The following COL9A1 variants were observed in gnomAD, a reference collection of about 807,000 sequenced individuals.
COL9A1 encodes the protein collagen alpha-1(IX) chain.
Under a neutral mutation model 142.6 loss-of-function variants are expected in COL9A1, and 104 were observed. The observed-to-expected ratio is 0.73, with a 90% CI of 0.62 to 0.86. The LOEUF (loss-of-function observed/expected upper bound fraction) is 0.86, where lower values mean the gene tolerates loss of function less well. COL9A1 is among the 40% of genes least tolerant of loss of function. The pLI is 0.00. For synonymous variants in COL9A1, 466 were observed against 396.0 expected (o/e 1.18, Z -2.10); for missense variants, 1,210 against 1,176.6 (o/e 1.03, Z -0.42).
intron 21 of COL9A1, among the ~76,000 whole-genome samples, chr6:70,255,837 ATATACG>A (rs1771253841): frequency 2.0e-5 from 3 of 151,990 alleles, no homozygotes; most frequent in Non-Finnish European, 2.9e-5. Flanking sequence ...GATATACGTG[ATATACG>A]CTACAGGTGG....
chr6:70,274,548 C>CT (rs201080821), intron 11 of COL9A1, among the ~76,000 whole-genome samples, 171 bp downstream of exon 11: 1 of 152,108 alleles, frequency 6.6e-6, no homozygotes, highest in Non-Finnish European at 1.5e-5. Context: ...GATCTTGTTC[C>CT]TTTTTATGGC....
intron 37 of COL9A1, among the ~76,000 whole-genome samples, chr6:70,219,203 G>A (rs1768719816): frequency 6.6e-6 from 1 of 152,058 alleles, no homozygotes; most frequent in Non-Finnish European, 1.5e-5. Flanking sequence ...CTTATCACTA[G>A]GAATGTTCCC....
intron 4 of COL9A1, 99 bp from the exon 5 acceptor site, chr6:70,294,662 T>C (rs1562331740): frequency 1.1e-5 from 12 of 1,138,258 alleles, no homozygotes; most frequent in Admixed American, 3.5e-5. Context: ...GCCAGACCTA[T>C]AGAAAAGCTA....
At chr6:70,282,948 G>A in intron 6 of COL9A1, 30 bp from the exon 7 acceptor site, 1 of 1,614,198 alleles carries the variant, frequency 6.2e-7, no homozygotes, top group Non-Finnish European at 8.5e-7. Context: ...GAGAAAGTGA[G>A]AAAAGCACCC....
At chr6:70,280,565 C>G (rs1773081879) in intron 10 of COL9A1, 2 of 1,394,004 alleles carry the variant, frequency 1.4e-6, no homozygotes, top group Non-Finnish European at 1.9e-6. Flanking sequence ...AGCCAGTACC[C>G]GCTGCTGTTT....
chr6:70,236,878 A>G (rs1446156008), intron 33 of COL9A1, among the ~76,000 whole-genome samples: 1 of 151,906 alleles, frequency 6.6e-6, no homozygotes, highest in Admixed American at 6.6e-5. Flanking sequence ...CTGGAGTGCA[A>G]TGGCGTGATC....
At chr6:70,265,265 A>G (rs991468843) in intron 18 of COL9A1, among the ~76,000 whole-genome samples, 11 of 152,096 alleles carry the variant, frequency 7.2e-5, no homozygotes, top group African/African-American at 2.7e-4. Context: ...CCATCTCCAA[A>G]TCCTGTGGGA....
At position 70,294,257 on chromosome 6, in the gene COL9A1, T is replaced by G. The variant is rs771444706; in HGVS notation, c.606A>C (p.Glu202Asp). The change falls in exon 5 of 38, where the codon GAA (glutamate) becomes GAC (aspartate). Residue 202 changes from glutamate (E) to aspartate (D), a missense_variant. Coordinates refer to ENST00000357250, the MANE Select transcript of COL9A1 (RefSeq NM_001851.6). The stretch of plus-strand genomic sequence containing the variant: ...GGCCTCTTGGCTTTATAGGTAAAGA[T>G]TCAATCCTGTTGCAGTCAACAAAAA... ...ATLFVDCNRI[E>D]SLPIKPRGPI... 2 of 1,614,090 alleles carry G rather than the reference T, an allele frequency of 1.2e-6. No individual in the cohort carries two copies. The highest frequency in any genetic ancestry group is 2.2e-5 in the South Asian group (2 of 91,080).
intron 4 of COL9A1, among the ~76,000 whole-genome samples, chr6:70,299,819 G>A (rs145912784): frequency 3.0e-4 from 46 of 152,268 alleles, no homozygotes; most frequent in African/African-American, 1.0e-3. Flanking sequence ...ATGTATAATA[G>A]TCTCAGTGAT....
intron 36 of COL9A1, among the ~76,000 whole-genome samples, chr6:70,230,482 T>C (rs1769476101): frequency 6.6e-6 from 1 of 152,212 alleles, no homozygotes; most frequent in East Asian, 1.9e-4. Context: ...TTATAGATTA[T>C]GTCATGAATA....
At position 70,302,026 on chromosome 6, in the gene COL9A1, T is replaced by C; in HGVS notation, c.63A>G (p.Ala21=). The change falls in exon 2 of 38, where the codon GCA becomes GCG. Residue 21 remains alanine (A), a synonymous_variant. Coordinates refer to ENST00000357250, the MANE Select transcript of COL9A1 (RefSeq NM_001851.6). ...FFVCSFLEPW[A]SAAVKRRPRF... ...TGGGGCGACGCTTGACAGCTGCAGATGCCCAGGGTTCCAGGAAACTGCACA... is the reference window on the plus strand; with the variant it reads ...TGGGGCGACGCTTGACAGCTGCAGACGCCCAGGGTTCCAGGAAACTGCACA... The C allele has an allele frequency of 6.2e-7, 1 of 1,611,808 alleles. No individual in the cohort carries two copies. The highest frequency in any genetic ancestry group is 8.5e-7 in the Non-Finnish European group (1 of 1,179,154).
Position 70,252,388 on chromosome 6 carries a change from C to T in COL9A1, c.1765-73G>A, listed in dbSNP as rs1771000406. The T allele has an allele frequency of 5.3e-6, 7 of 1,327,968 alleles. No individual in the cohort carries two copies. In the South Asian group the frequency reaches 5.9e-5, roughly 11 times the overall value. 82.3% of individuals were successfully genotyped at this position (1,327,968 alleles called of 1,614,324 possible). On this transcript the variant is annotated intron_variant, in intron 26 of 37. Transcript: ENST00000357250. ...TAATCATCAATCTGCCTTACCCAGA[C>T]TGGGATCTCTTACATTTGAATAGCA...
intron 10 of COL9A1, chr6:70,279,936 G>GC: frequency 1.6e-6 from 1 of 612,266 alleles, no homozygotes; most frequent in Non-Finnish European, 3.0e-6. Flanking sequence ...TAACTTGAGT[G>GC]ATGCACCATG....
chr6:70,223,370 T>C (rs1381029857), intron 37 of COL9A1, among the ~76,000 whole-genome samples: 1 of 152,244 alleles, frequency 6.6e-6, no homozygotes, highest in African/African-American at 2.4e-5. Context: ...ATCAGAGAGA[T>C]GTTCTTGTTA....
intron 5 of COL9A1, among the ~76,000 whole-genome samples, chr6:70,285,806 G>A (rs1292958216): frequency 6.6e-6 from 1 of 152,226 alleles, no homozygotes; most frequent in Non-Finnish European, 1.5e-5. Flanking sequence ...ATTGTCTCAA[G>A]GAGAAATGAG....
rs1212818687 is a variant in COL9A1 at position 70,274,842 on chromosome 6, T to G, written c.976-70A>C. On this transcript the variant is annotated intron_variant, in intron 10 of 37. Transcript: ENST00000357250. Reference sequence around the variant, plus strand: ...AGGCAAACCACTAAGTAGAAAACTTTCATTTTATTTATTAATTGTCTACAG... The same window carrying G: ...AGGCAAACCACTAAGTAGAAAACTTGCATTTTATTTATTAATTGTCTACAG... 3 of 1,241,764 alleles carry G rather than the reference T, an allele frequency of 2.4e-6. No homozygotes were observed. The Admixed American group carries it at 5.1e-5, about 21-fold the overall frequency. The allele number at this position is 1,241,764 out of a possible 1,614,324, so 76.9% of individuals were successfully genotyped here.
Position 70,294,449 on chromosome 6 carries a change from C to G in COL9A1, c.414G>C (p.Gly138=), listed in dbSNP as rs770921588. Residue 138 remains glycine (G), a synonymous_variant, in exon 5 of 38, where the codon GGG becomes GGC. Coordinates refer to ENST00000357250, the MANE Select transcript of COL9A1 (RefSeq NM_001851.6). Reference sequence around the variant, plus strand: ...TAATCTTTATGCCAACTTGCTCCTTCCCAGAGGAATCCTGAATCTGCCAAA... The same window carrying G: ...TAATCTTTATGCCAACTTGCTCCTTGCCAGAGGAATCCTGAATCTGCCAAA... ...WNIWQIQDSS[G]KEQVGIKING... 5.6e-6 allele frequency: 9 copies of G among 1,614,042 alleles called. No homozygotes were observed. The Admixed American group carries it at 1.5e-4, about 27-fold the overall frequency.
chr6:70,232,812 C>T (rs1188731570), intron 35 of COL9A1, 41 bp from the exon 36 acceptor site: 1 of 1,564,328 alleles, frequency 6.4e-7, no homozygotes, highest in South Asian at 1.1e-5. Context: ...GTGTCAGAAA[C>T]ATAAAAGTTA....
chr6:70,278,611 C>G (rs551805373), intron 10 of COL9A1, among the ~76,000 whole-genome samples: 1 of 152,156 alleles, frequency 6.6e-6, no homozygotes, highest in African/African-American at 2.4e-5. Flanking sequence ...TTGCTTTCCT[C>G]TCCTGTCTCA....
Sources: allele counts gnomAD v4.1 joint callset (sites outside exome capture counted in the v4.1 genomes callset), GRCh38; gene constraint gnomAD v4.1.1; transcripts MANE v1.5; gene names NCBI Gene and HGNC (gene_info 2026-07-23, HGNC 2026-07-21).